The following PCDHGA1 variants were observed in gnomAD, a reference collection of about 807,000 sequenced individuals.
The protein encoded by PCDHGA1 is protocadherin gamma-A1.
Under a neutral mutation model 58.0 loss-of-function variants are expected in PCDHGA1, and 32 were observed. The ratio of observed to expected loss-of-function variants is 0.55; its 90% CI spans 0.42 to 0.74. PCDHGA1 has a LOEUF of 0.74. Ranked by LOEUF, PCDHGA1 falls within the 30% of genes least tolerant of loss-of-function variation. The probability of loss-of-function intolerance (pLI) is 0.00; values close to 1 mark genes in which losing one functional copy is unlikely to be tolerated. For missense variants in PCDHGA1, 1,205 were observed against 1,182.3 expected, an observed-to-expected ratio of 1.02 and a Z score of -0.28; for synonymous variants, 498 against 501.1, an observed-to-expected ratio of 0.99 and a Z score of 0.08.
intron 1 of PCDHGA1, chr5:141,402,790 A>G: frequency 1.0e-6 from 1 of 961,364 alleles, no homozygotes; most frequent in Non-Finnish European, 1.5e-6. Flanking sequence ...TTCTGCGGCT[A>G]CACAAAACCC....
chr5:141,447,433 C>G (rs756021616), intron 1 of PCDHGA1, among the ~76,000 whole-genome samples: 1 of 152,118 alleles, frequency 6.6e-6, no homozygotes. Context: ...CCACCGCACC[C>G]GGAGGAAATT....
chr5:141,404,079 C>G lies in PCDHGA1; in HGVS notation c.2421+70974C>G, dbSNP rs768434673. On this transcript the variant is annotated intron_variant, in intron 1 of 3. Transcript: ENST00000517417. ...CTTTTCAATGCTCATGACCGAGACT[C>G]CGGGAAGAATGGTCAAGTTGTCTGT... 3.1e-6 allele frequency: 5 copies of G among 1,613,568 alleles called. No homozygotes were observed. In the East Asian group the frequency reaches 1.1e-4, roughly 36 times the overall value.
intron 1 of PCDHGA1, chr5:141,420,367 T>C: frequency 7.3e-7 from 1 of 1,360,684 alleles, no homozygotes; most frequent in Non-Finnish European, 9.7e-7. Flanking sequence ...CTAGATAACT[T>C]CTTCATAGAG....
chr5:141,426,717 G>A (rs974405285), intron 1 of PCDHGA1: 1 of 446,052 alleles, frequency 2.2e-6, no homozygotes, highest in African/African-American at 2.0e-5. Flanking sequence ...CAATGAACTA[G>A]CAATTCCAGG....
At chr5:141,389,313 C>A (rs1279349887) in intron 1 of PCDHGA1, 2 of 1,614,024 alleles carry the variant, frequency 1.2e-6, no homozygotes, top group Admixed American at 3.3e-5. Context: ...GGCTTCTGAT[C>A]CGGACTTGGG....
rs776825429 is a variant in PCDHGA1 at position 141,375,161 on chromosome 5, G to C, written c.2421+42056G>C. On this transcript the variant is annotated intron_variant, in intron 1 of 3. Transcript: ENST00000517417. ...TGGAAGCAGAACAATTGCTGAAAGT[G>C]CACCTCCAGGAACAGTAATCGCCCT... 2.5e-6 allele frequency: 4 copies of C among 1,613,940 alleles called. No individual in the cohort carries two copies. In the Admixed American group the frequency reaches 6.7e-5, roughly 27 times the overall value.
At chr5:141,350,345 CA>C in intron 1 of PCDHGA1, 1 of 1,556,754 alleles carries the variant, frequency 6.4e-7, no homozygotes, top group African/African-American at 1.4e-5. Flanking sequence ...GGCCATCTCC[CA>C]GCAGATCCGA....
At chr5:141,427,088 T>C in intron 1 of PCDHGA1, 1 of 458,156 alleles carries the variant, frequency 2.2e-6, no homozygotes. Flanking sequence ...CTGACCAGGA[T>C]GAGGGTGTCA....
At chr5:141,345,283 AAT>A in intron 1 of PCDHGA1, 3 of 1,613,996 alleles carry the variant, frequency 1.9e-6, no homozygotes, top group Non-Finnish European at 2.5e-6. Context: ...CAAATATCAG[AAT>A]ATAACATTAG....
rs1022516458 is a variant in PCDHGA1, at chr5:141,476,612, A to G, written c.2422-18195A>G. The G allele has an allele frequency of 1.2e-6, 2 of 1,614,236 alleles. No individual in the cohort carries two copies. The highest frequency in any genetic ancestry group is 2.2e-5 in the South Asian group (2 of 91,080). ...GAGCGCGCACGATCCCGATGTGGGA[A>G]GCAACTCTTTACAAACCTATGAGCT... On this transcript the variant is annotated intron_variant, in intron 1 of 3. Transcript: ENST00000517417. The surrounding 1 kb of genome is among the most constrained non-coding windows in gnomAD (Gnocchi z 7.6).
intron 1 of PCDHGA1, among the ~76,000 whole-genome samples, chr5:141,438,835 A>T (rs1591550617): frequency 6.7e-6 from 1 of 149,784 alleles, no homozygotes; most frequent in African/African-American, 2.5e-5. Flanking sequence ...CTAATTTTTT[A>T]AAATATTTTT....
At chr5:141,354,183 T>A (rs910434352) in intron 1 of PCDHGA1, among the ~76,000 whole-genome samples, 12 of 152,266 alleles carry the variant, frequency 7.9e-5, no homozygotes, top group African/African-American at 2.2e-4. Context: ...TTATCTGCAC[T>A]TTATAGTTAT....
rs1452714844 is a variant in PCDHGA1, at chr5:141,389,265, G to A, written c.2421+56160G>A. ...GTCTTCCTATATAGTCCACGTGGCC[G>A]AGAACAACCCGCCTGGAGCCTCTAT... On this transcript the variant is annotated intron_variant, in intron 1 of 3. Transcript: ENST00000517417. 3.7e-6 allele frequency: 6 copies of A among 1,613,886 alleles called. No homozygotes were observed. The highest frequency in any genetic ancestry group is 4.5e-5 in the East Asian group (2 of 44,886).
At chr5:141,363,540 C>T (rs1762965005) in intron 1 of PCDHGA1, among the ~76,000 whole-genome samples, 1 of 152,204 alleles carries the variant, frequency 6.6e-6, no homozygotes, top group Admixed American at 6.5e-5. Context: ...ACTGGAACTA[C>T]AAATATTTGA....
chr5:141,414,588 G>A, intron 1 of PCDHGA1: 1 of 1,613,872 alleles, frequency 6.2e-7, no homozygotes, highest in Non-Finnish European at 8.5e-7. Flanking sequence ...ACAACGCCAG[G>A]GGTGCCTCCA....
At position 141,490,909 on chromosome 5, in the gene PCDHGA1, G is replaced by A. The variant is rs1170664693; in HGVS notation, c.2422-3898G>A. On this transcript the variant is annotated intron_variant, in intron 1 of 3. Coordinates refer to ENST00000517417, the MANE Select transcript of PCDHGA1 (RefSeq NM_018912.3). The surrounding 1 kb of genome is among the most constrained non-coding windows in gnomAD (Gnocchi z 5.4). ...ATCTCTGCATGTGTTTGTCCTAGAC[G>A]AGAATGATAATGCCCCAGCTGTGCT... The A allele has an allele frequency of 1.1e-5, 17 of 1,613,626 alleles. No individual in the cohort carries two copies. Among genetic ancestry groups the A allele is most frequent in the East Asian group, 4.5e-5 (2 of 44,882 alleles).
chr5:141,494,546 G>A (rs984336435), intron 1 of PCDHGA1, among the ~76,000 whole-genome samples: 7 of 152,152 alleles, frequency 4.6e-5, no homozygotes, highest in African/African-American at 1.2e-4. Context: ...GGAGGAAGGG[G>A]CCATTTCTTT....
intron 1 of PCDHGA1, chr5:141,389,992 T>A: frequency 6.2e-7 from 1 of 1,614,010 alleles, no homozygotes. Context: ...CTCTTCCTCG[T>A]GGCCATGATT....
chr5:141,415,177 G>C, intron 1 of PCDHGA1: 3 of 1,613,926 alleles, frequency 1.9e-6, no homozygotes, highest in Non-Finnish European at 2.5e-6. Context: ...CACCGTGGCC[G>C]TGGCCGACAG....
Sources: gnomAD v4.1 joint callset for allele counts (sites outside exome capture counted in the v4.1 genomes callset) on GRCh38, gnomAD v4.1.1 for gene constraint, Gnocchi (gnomAD v3.1) non-coding constraint, MANE v1.5 for transcripts, NCBI Gene and HGNC (gene_info 2026-07-23, HGNC 2026-07-21) for gene names.